The following BICD1 variants were observed in gnomAD, a reference collection of about 807,000 sequenced individuals.
BICD1 encodes the protein protein bicaudal D homolog 1.
A neutral mutation model predicts 92.5 loss-of-function variants in BICD1; 35 were observed. The ratio of observed to expected loss-of-function variants is 0.38; its 90% CI spans 0.29 to 0.50. BICD1 has a LOEUF of 0.50. Ranked by LOEUF, BICD1 falls within the 20% of genes least tolerant of loss-of-function variation. The pLI is 0.93. For missense variants in BICD1, 950 were observed against 1,189.8 expected, an observed-to-expected ratio of 0.80 and a Z score of 2.97; for synonymous variants, 429 against 465.1, an observed-to-expected ratio of 0.92 and a Z score of 1.00.
intron 2 of BICD1, among the ~76,000 whole-genome samples, chr12:32,266,857 CAAA>C (rs35590465): frequency 7.2e-6 from 1 of 138,116 alleles, no homozygotes. Flanking sequence ...GACTCTGTCT[CAAA>C]AAAAAAAAAA....
At chr12:32,113,284 A>G (rs984359160) in intron 1 of BICD1, among the ~76,000 whole-genome samples, 2 of 152,158 alleles carry the variant, frequency 1.3e-5, no homozygotes, top group African/African-American at 4.8e-5. Flanking sequence ...AGTGGAGCTG[A>G]GAATCTTCTC....
chr12:32,221,354 A>G (rs1481124122), intron 2 of BICD1, among the ~76,000 whole-genome samples: 2 of 122,808 alleles, frequency 1.6e-5, no homozygotes, highest in African/African-American at 4.0e-5. Context: ...ACAAAAAATA[A>G]AAAAATAAAT....
chr12:32,276,330 T>C (rs11051895), intron 2 of BICD1, among the ~76,000 whole-genome samples: 15,134 of 152,074 alleles, frequency 0.1, 1,112 homozygotes, highest in East Asian at 0.21. Flanking sequence ...GCACTTGGGT[T>C]TTCCTGTTGA....
At chr12:32,314,397 G>T (rs1001229999) in intron 4 of BICD1, among the ~76,000 whole-genome samples, 1 of 152,074 alleles carries the variant, frequency 6.6e-6, no homozygotes, top group African/African-American at 2.4e-5. Flanking sequence ...CACCAGCAGT[G>T]TATGAGTGTT....
intron 9 of BICD1, among the ~76,000 whole-genome samples, chr12:32,376,616 C>A (rs1319545298): frequency 6.6e-6 from 1 of 151,544 alleles, no homozygotes. Flanking sequence ...GCCTGTAATC[C>A]CAACACTTGG....
At chr12:32,168,654 C>G (rs113750610) in intron 1 of BICD1, among the ~76,000 whole-genome samples, 2 of 152,158 alleles carry the variant, frequency 1.3e-5, no homozygotes, top group African/African-American at 2.4e-5. Flanking sequence ...CTCTCTTAAT[C>G]GGGTCCACTG....
chr12:32,328,285 T>G lies in BICD1; in HGVS notation c.1830T>G (p.Ser610=), dbSNP rs201914326. The change falls in exon 5 of 10, where the codon TCT becomes TCG. Residue 610 remains serine (S), a synonymous_variant. Transcript: ENST00000652176. The surrounding 1 kb of genome is among the most constrained non-coding windows in gnomAD (Gnocchi z 4.4). ...ISPVITAPPS[S]PVLDTSDIRK... ...CTGTTATTACTGCCCCACCGTCATC[T>G]CCAGTATTGGATACAAGTGACATCC... 5.0e-5 allele frequency: 80 copies of G among 1,614,184 alleles called. 1 individual carries two copies. The Admixed American group carries it at 1.3e-3, about 27-fold the overall frequency.
intron 1 of BICD1, among the ~76,000 whole-genome samples, chr12:32,188,796 T>C: frequency 6.6e-6 from 1 of 151,984 alleles, no homozygotes. Flanking sequence ...GGTGCAATCT[T>C]GGCTCACTGC....
intron 2 of BICD1, among the ~76,000 whole-genome samples, chr12:32,254,341 A>G (rs914271237): frequency 2.0e-5 from 3 of 151,962 alleles, no homozygotes; most frequent in Non-Finnish European, 4.4e-5. Flanking sequence ...TGCCATAATC[A>G]CTGCCGTATC....
chr12:32,289,090 G>A (rs1196003626), intron 2 of BICD1, among the ~76,000 whole-genome samples: 3 of 152,122 alleles, frequency 2.0e-5, no homozygotes, highest in Non-Finnish European at 2.9e-5. Context: ...TGTCCAATGG[G>A]ATAGAGGAGC....
In BICD1 at chr12:32,209,101, G is replaced by T. The variant is rs527949401; in HGVS notation, c.214-7146G>T. On this transcript the variant is annotated intron_variant, in intron 1 of 9. Transcript: ENST00000652176. ...CTCCCAAACTGCTGGGATTACAGAC[G>T]TGAGCCACCGCGCCCAGTCTGGGCT... 8.5e-5 allele frequency among the ~76,000 whole-genome samples: 13 copies of T among 152,242 alleles called. No individual in the cohort carries two copies. In the East Asian group the frequency reaches 2.5e-3, roughly 29 times the overall value.
At chr12:32,115,650 A>T (rs1292891513) in intron 1 of BICD1, among the ~76,000 whole-genome samples, 1 of 152,166 alleles carries the variant, frequency 6.6e-6, no homozygotes, top group Non-Finnish European at 1.5e-5. Flanking sequence ...TAAGTGAAAG[A>T]GGAAAAGGTG....
chr12:32,293,159 T>C (rs1947767516), intron 2 of BICD1, among the ~76,000 whole-genome samples: 1 of 152,200 alleles, frequency 6.6e-6, no homozygotes, highest in South Asian at 2.1e-4. Flanking sequence ...AAATATTTTT[T>C]CTGACATGGA....
intron 1 of BICD1, among the ~76,000 whole-genome samples, chr12:32,172,052 T>C (rs770847850): frequency 6.6e-6 from 1 of 152,038 alleles, no homozygotes; most frequent in Non-Finnish European, 1.5e-5. Context: ...TTTCTTTGCA[T>C]CAATTTTCTC....
At chr12:32,108,535 C>T (rs185947237) in intron 1 of BICD1, 1 of 577,974 alleles carries the variant, frequency 1.7e-6, no homozygotes, top group African/African-American at 1.9e-5. Context: ...AATATACACT[C>T]CTTTTCTGTG....
intron 1 of BICD1, among the ~76,000 whole-genome samples, chr12:32,187,768 G>A (rs932281490): frequency 2.0e-5 from 3 of 152,164 alleles, no homozygotes; most frequent in Non-Finnish European, 4.4e-5. Flanking sequence ...TACCTATTGG[G>A]TACTATGTTT....
At chr12:32,231,381 G>C (rs1436488035) in intron 2 of BICD1, among the ~76,000 whole-genome samples, 1 of 151,994 alleles carries the variant, frequency 6.6e-6, no homozygotes, top group East Asian at 1.9e-4. Context: ...TACTCGGGAG[G>C]TTGAGGCTGC....
At chr12:32,216,083 A>G (rs1225266870) in intron 1 of BICD1, among the ~76,000 whole-genome samples, 164 bp from the exon 2 acceptor site, 1 of 152,044 alleles carries the variant, frequency 6.6e-6, no homozygotes, top group Non-Finnish European at 1.5e-5. Context: ...AGCGAATTGA[A>G]TTATTTCAAG....
At chr12:32,276,085 G>T (rs940217962) in intron 2 of BICD1, among the ~76,000 whole-genome samples, 1 of 152,072 alleles carries the variant, frequency 6.6e-6, no homozygotes, top group African/African-American at 2.4e-5. Context: ...CCTCCGAAGC[G>T]TTTGTCTCTT....
Sources: gnomAD v4.1 joint callset for allele counts (sites outside exome capture counted in the v4.1 genomes callset) on GRCh38, gnomAD v4.1.1 for gene constraint, Gnocchi (gnomAD v3.1) non-coding constraint, MANE v1.5 for transcripts, NCBI Gene and HGNC (gene_info 2026-07-23, HGNC 2026-07-21) for gene names.